DPP10: variants seen among roughly 807,000 people sequenced by gnomAD.
DPP10 encodes inactive dipeptidyl peptidase 10.
In DPP10, 33 loss-of-function variants were observed where a neutral mutation model predicts 120.9. The ratio of observed to expected loss-of-function variants is 0.27; its 90% CI spans 0.21 to 0.37. The LOEUF is 0.37. Among genes scored for constraint, DPP10 ranks in the 10% least tolerant of loss-of-function variants. The pLI is 1.00. For synonymous variants in DPP10, 337 were observed against 326.1 expected, an observed-to-expected ratio of 1.03 and a Z score of -0.36; for missense variants, 816 against 942.8, an observed-to-expected ratio of 0.87 and a Z score of 1.76.
intron 1 of DPP10, among the ~76,000 whole-genome samples, chr2:114,786,289 G>T (rs1256875233): frequency 1.3e-5 from 2 of 152,254 alleles, no homozygotes; most frequent in Middle Eastern, 3.4e-3. Flanking sequence ...TTAATGATTT[G>T]TGTTTGGTGC....
chr2:115,275,299 A>G (rs78700078), intron 1 of DPP10, among the ~76,000 whole-genome samples: 27 of 152,266 alleles, frequency 1.8e-4, no homozygotes, highest in Non-Finnish European at 3.4e-4. Context: ...CTATCTCTTT[A>G]TCTCTCTCTA....
intron 1 of DPP10, among the ~76,000 whole-genome samples, chr2:115,196,605 C>T (rs896110234): frequency 6.6e-6 from 1 of 152,074 alleles, no homozygotes; most frequent in Non-Finnish European, 1.5e-5. Flanking sequence ...TTTAATTTCC[C>T]TTCATGTTAG....
intron 1 of DPP10, among the ~76,000 whole-genome samples, chr2:115,104,268 C>A (rs2048842483): frequency 7.0e-6 from 1 of 143,298 alleles, no homozygotes; most frequent in African/African-American, 2.6e-5. Flanking sequence ...GCAGCCTTGA[C>A]CTCCTGAGCT....
chr2:115,259,513 C>T (rs1433580390), intron 1 of DPP10, among the ~76,000 whole-genome samples: 1 of 151,254 alleles, frequency 6.6e-6, no homozygotes, highest in East Asian at 1.9e-4. Context: ...GAAAGAATAG[C>T]AAAAGAAACA....
intron 1 of DPP10, among the ~76,000 whole-genome samples, chr2:115,003,165 C>A (rs1465809605): frequency 8.4e-6 from 1 of 118,642 alleles, no homozygotes. Flanking sequence ...CATACATATA[C>A]TATGTAGCTA....
intron 1 of DPP10, among the ~76,000 whole-genome samples, chr2:114,768,182 T>C (rs1019116337): frequency 4.7e-5 from 7 of 148,460 alleles, no homozygotes; most frequent in Non-Finnish European, 8.9e-5. Flanking sequence ...TCCAGAATTA[T>C]ATACCAAGCA....
chr2:114,564,526 C>T (rs956167046), intron 1 of DPP10, among the ~76,000 whole-genome samples: 5 of 152,034 alleles, frequency 3.3e-5, no homozygotes, highest in African/African-American at 1.2e-4. Flanking sequence ...ATATAAGGTA[C>T]CCGGCAGATC....
At chr2:114,785,084 T>A (rs535569014) in intron 1 of DPP10, among the ~76,000 whole-genome samples, 1 of 152,316 alleles carries the variant, frequency 6.6e-6, no homozygotes, top group South Asian at 2.1e-4. Flanking sequence ...TGGAGTCCTT[T>A]CTGGTCACCG....
intron 7 of DPP10, among the ~76,000 whole-genome samples, chr2:115,717,259 C>T (rs543367618): frequency 3.9e-5 from 6 of 152,238 alleles, no homozygotes; most frequent in Admixed American, 3.9e-4. Flanking sequence ...TAGACTCAGG[C>T]TTACTTCAAG....
chr2:114,466,733 TTGTC>T (rs1490059835), intron 1 of DPP10, among the ~76,000 whole-genome samples: 1 of 152,158 alleles, frequency 6.6e-6, no homozygotes, highest in African/African-American at 2.4e-5. Context: ...ACGTAAGCAA[TTGTC>T]TGTTCGCTTT....
At chr2:115,135,756 G>C (rs945881320) in intron 1 of DPP10, among the ~76,000 whole-genome samples, 1 of 152,152 alleles carries the variant, frequency 6.6e-6, no homozygotes, top group African/African-American at 2.4e-5. Context: ...GAGTCGCTGA[G>C]GCTGGCTGTT....
chr2:115,836,222 C>A lies in DPP10; in HGVS notation c.2016C>A (p.Ser672=). ...KSDEKLFKCG[S]VVAPITDLKL... ...ATGAAAAGCTTTTTAAATGTGGATC[C>A]GTGGTTGCACCTATCACAGACTTGA... Residue 672 remains serine, a synonymous_variant, in exon 22 of 26, where the codon TCC becomes TCA. Coordinates refer to ENST00000410059, the MANE Select transcript of DPP10 (RefSeq NM_020868.6). 6.2e-7 allele frequency: 1 copy of A among 1,607,220 alleles called. No homozygotes were observed. The highest frequency in any genetic ancestry group is 1.1e-5 in the South Asian group (1 of 89,816).
intron 1 of DPP10, among the ~76,000 whole-genome samples, chr2:114,942,348 T>TACAC (rs1558904111): frequency 9.8e-6 from 1 of 102,342 alleles, no homozygotes; most frequent in African/African-American, 3.9e-5. Context: ...TACGTATATA[T>TACAC]ACATATATAT....
chr2:115,143,869 C>A (rs1026887838), intron 1 of DPP10, among the ~76,000 whole-genome samples: 1 of 152,198 alleles, frequency 6.6e-6, no homozygotes, highest in Admixed American at 6.5e-5. Flanking sequence ...CAGCCTCTGC[C>A]AATCTCGAGA....
At chr2:114,725,506 G>A (rs145708328) in intron 1 of DPP10, among the ~76,000 whole-genome samples, 1 of 152,318 alleles carries the variant, frequency 6.6e-6, no homozygotes, top group East Asian at 1.9e-4. Context: ...ATCCGATGAT[G>A]CAAATTCTCT....
chr2:115,307,220 CTAT>C (rs2061393132), intron 1 of DPP10, among the ~76,000 whole-genome samples: 1 of 151,892 alleles, frequency 6.6e-6, no homozygotes, highest in Non-Finnish European at 1.5e-5. Context: ...TATATATAAG[CTAT>C]TATTACTCTT....
intron 1 of DPP10, among the ~76,000 whole-genome samples, chr2:114,743,729 G>A (rs2105999185): frequency 6.6e-6 from 1 of 152,236 alleles, no homozygotes; most frequent in East Asian, 1.9e-4. Context: ...AAAAGGTGAG[G>A]TTGTAAGGAT....
chr2:115,506,790 G>C (rs1219884059), intron 4 of DPP10, among the ~76,000 whole-genome samples: 1 of 152,010 alleles, frequency 6.6e-6, no homozygotes, highest in Non-Finnish European at 1.5e-5. Context: ...TTTACTACCA[G>C]ATAATCAGTA....
At chr2:115,225,512 C>G (rs62167279) in intron 1 of DPP10, among the ~76,000 whole-genome samples, 2 of 133,442 alleles carry the variant, frequency 1.5e-5, no homozygotes, top group African/African-American at 5.6e-5. Context: ...TGTGTGTGTG[C>G]GTGTGTGTGT....
Sources: allele counts gnomAD v4.1 joint callset (sites outside exome capture counted in the v4.1 genomes callset), GRCh38; gene constraint gnomAD v4.1.1; transcripts MANE v1.5; gene names NCBI Gene and HGNC (gene_info 2026-07-23, HGNC 2026-07-21).